Variants in PIWIL3 observed in about 807,000 individuals in gnomAD.
PIWIL3 encodes piwi-like protein 3.
Under a neutral mutation model 109.7 loss-of-function variants are expected in PIWIL3, and 101 were observed. The observed-to-expected ratio is 0.92, with a 90% CI of 0.78 to 1.09. The LOEUF (loss-of-function observed/expected upper bound fraction) is 1.09, where lower values mean the gene tolerates loss of function less well. Ranked by LOEUF, PIWIL3 falls within the 50% of genes least tolerant of loss-of-function variation. The pLI is 0.00. For synonymous variants in PIWIL3, 373 were observed against 376.4 expected, an observed-to-expected ratio of 0.99 and a Z score of 0.10; for missense variants, 1,031 against 1,072.6, an observed-to-expected ratio of 0.96 and a Z score of 0.54.
chr22:24,745,717 GAAAAAAAA>G (rs71189273), intron 12 of PIWIL3, among the ~76,000 whole-genome samples: 3 of 80,252 alleles, frequency 3.7e-5, no homozygotes, highest in Admixed American at 1.4e-4. Context: ...GTCAGACTAA[GAAAAAAAA>G]AAAAAAAAAA....
At chr22:24,765,351 T>G (rs1925722616) in intron 1 of PIWIL3, among the ~76,000 whole-genome samples, 1 of 152,200 alleles carries the variant, frequency 6.6e-6, no homozygotes, top group Non-Finnish European at 1.5e-5. Flanking sequence ...AACCAGCGCA[T>G]CTGCTACAGT....
chr22:24,770,042 G>A (rs1196586718), intron 1 of PIWIL3, among the ~76,000 whole-genome samples: 1 of 152,214 alleles, frequency 6.6e-6, no homozygotes. Context: ...ATCCACAGAT[G>A]CAGAACCCAT....
At position 24,758,005 on chromosome 22, in the gene PIWIL3, A is replaced by C; in HGVS notation, c.258T>G (p.His86Gln). 6.2e-7 allele frequency: 1 copy of C among 1,613,962 alleles called. No homozygotes were observed. The highest frequency in any genetic ancestry group is 1.7e-5 in the Admixed American group (1 of 59,956). ...TCCTTCTCTCCTGCAAGGGCGCTGT[A>C]TGCAACCCAGCCTCAGGTCCAGGTT... ...VKEPGPEAGL[H>Q]TAPLQERRIG... Residue 86 changes from histidine to glutamine, a missense_variant, in exon 4 of 21, where the codon CAT becomes CAG. Physicochemically the swap from His to Gln is conservative, Grantham distance 24. Transcript: ENST00000616349.
intron 3 of PIWIL3, among the ~76,000 whole-genome samples, chr22:24,759,223 G>T (rs1925270438): frequency 6.6e-6 from 1 of 152,200 alleles, no homozygotes; most frequent in Non-Finnish European, 1.5e-5. Context: ...CAACCCTTCA[G>T]ATAGGATCTG....
rs182042893 is a variant in PIWIL3 at position 24,739,822 on chromosome 22, G to A, written c.1450-3930C>T. ...TCCCAGCATTTTGAGAGGCCGAGGCGGGAGGATCATGAGGTCAGGAGATCG... is the reference window on the plus strand; with the variant it reads ...TCCCAGCATTTTGAGAGGCCGAGGCAGGAGGATCATGAGGTCAGGAGATCG... On this transcript the variant is annotated intron_variant, in intron 12 of 20. Transcript: ENST00000616349. 1.6e-4 allele frequency among the ~76,000 whole-genome samples: 25 copies of A among 152,134 alleles called. No individual in the cohort carries two copies. In the East Asian group the frequency reaches 3.3e-3, roughly 20 times the overall value.
intron 12 of PIWIL3, among the ~76,000 whole-genome samples, chr22:24,748,541 A>G (rs961484410): frequency 6.6e-6 from 1 of 152,214 alleles, no homozygotes; most frequent in Non-Finnish European, 1.5e-5. Flanking sequence ...CCATAAATAT[A>G]CATACCTACT....
chr22:24,730,276 A>T (rs1030918781), intron 14 of PIWIL3, among the ~76,000 whole-genome samples: 3 of 150,578 alleles, frequency 2.0e-5, no homozygotes, highest in Non-Finnish European at 4.4e-5. Context: ...GAGGCAGGAG[A>T]ATAGCTTGAA....
chr22:24,754,064 G>A lies in PIWIL3; in HGVS notation c.927C>T (p.Asn309=). 3.1e-6 allele frequency: 5 copies of A among 1,612,642 alleles called. No homozygotes were observed. Among genetic ancestry groups the A allele is most frequent in the Non-Finnish European group, 3.4e-6 (4 of 1,178,662 alleles). ...ATTTATTAGTTACTTCCTCTCGGATGTTTCCTGTCTGGGCCTGGGCAGATG... is the reference window on the plus strand; with the variant it reads ...ATTTATTAGTTACTTCCTCTCGGATATTTCCTGTCTGGGCCTGGGCAGATG... ...KRTSAQAQTG[N]IREEVTNKLI... is the part of the protein sequence containing the mutation. The change falls in exon 8 of 21, where the codon AAC becomes AAT. Residue 309 remains asparagine (N), a synonymous_variant. Coordinates refer to ENST00000616349, the MANE Select transcript of PIWIL3 (RefSeq NM_001255975.1).
intron 12 of PIWIL3, among the ~76,000 whole-genome samples, chr22:24,744,178 T>TAAAAAA (rs1188611412): frequency 1.3e-3 from 46 of 34,302 alleles, no homozygotes; most frequent in Non-Finnish European, 1.8e-3. Flanking sequence ...GTGACCGAAT[T>TAAAAAA]AAAAAAAAAA....
intron 6 of PIWIL3, 93 bp from the exon 7 acceptor site, chr22:24,754,957 C>A: frequency 1.0e-6 from 1 of 975,492 alleles, no homozygotes; most frequent in Non-Finnish European, 1.6e-6. Flanking sequence ...CTGTCAATGA[C>A]TGTTTATATT....
intron 1 of PIWIL3, among the ~76,000 whole-genome samples, chr22:24,763,582 G>T (rs530379174): frequency 3.9e-4 from 60 of 152,250 alleles, no homozygotes; most frequent in African/African-American, 1.3e-3. Flanking sequence ...TTACGGGCGT[G>T]AACCACCGTG....
At chr22:24,774,150 TG>T (rs1197768123) in intron 1 of PIWIL3, among the ~76,000 whole-genome samples, 171 bp downstream of exon 1, 1 of 152,224 alleles carries the variant, frequency 6.6e-6, no homozygotes, top group Non-Finnish European at 1.5e-5. Context: ...TCCTCTCTTC[TG>T]CTAATCTGAA....
At chr22:24,751,798 A>G (rs888130544) in intron 8 of PIWIL3, among the ~76,000 whole-genome samples, 5 of 152,196 alleles carry the variant, frequency 3.3e-5, no homozygotes, top group African/African-American at 1.2e-4. Flanking sequence ...GTCTCAACAC[A>G]TTTGCTCATT....
chr22:24,755,393 G>A (rs1364829693), intron 6 of PIWIL3, among the ~76,000 whole-genome samples: 2 of 152,214 alleles, frequency 1.3e-5, no homozygotes, highest in Non-Finnish European at 2.9e-5. Context: ...AAAGTGCTGG[G>A]ATTACAGGCG....
At chr22:24,757,441 T>A (rs969306606) in intron 4 of PIWIL3, among the ~76,000 whole-genome samples, 7 of 152,162 alleles carry the variant, frequency 4.6e-5, no homozygotes, top group African/African-American at 1.7e-4. Context: ...GAGGCACCTC[T>A]ACTTACAGTG....
At chr22:24,734,727 G>C (rs534400201) in intron 13 of PIWIL3, among the ~76,000 whole-genome samples, 5 of 152,204 alleles carry the variant, frequency 3.3e-5, no homozygotes, top group Non-Finnish European at 7.4e-5. Context: ...CTTCCAGCAG[G>C]GGGAGGGGAA....
At position 24,723,161 on chromosome 22, in the gene PIWIL3, CTG is replaced by C. The variant is rs767992347; in HGVS notation, c.2324_2325del (p.Thr775SerfsTer3). 1.2e-4 allele frequency: 198 copies of C among 1,613,410 alleles called. No individual in the cohort carries two copies. Among genetic ancestry groups the C allele is most frequent in the Non-Finnish European group, 1.0e-4 (119 of 1,179,458 alleles). On this transcript the variant is annotated frameshift_variant, in exon 19 of 21. Transcript: ENST00000616349. LOFTEE classifies it high-confidence loss of function. ...TTCCTAGTCAACTCTACATCAATAACTGTTCCTGGAGGTGGATTTTGAAAATT... is the reference window on the plus strand; with the variant it reads ...TTCCTAGTCAACTCTACATCAATAACTTCCTGGAGGTGGATTTTGAAAATT... ...GSNFQNPPPG[T>X]VIDVELTRNE...
intron 13 of PIWIL3, among the ~76,000 whole-genome samples, chr22:24,735,005 T>A (rs1923577991): frequency 6.6e-6 from 1 of 151,458 alleles, no homozygotes; most frequent in Admixed American, 6.6e-5. Context: ...TCTAACTAGA[T>A]GACATTCTAA....
intron 4 of PIWIL3, among the ~76,000 whole-genome samples, chr22:24,757,442 A>G (rs560635418): frequency 2.6e-5 from 4 of 152,102 alleles, no homozygotes; most frequent in Admixed American, 1.3e-4. Flanking sequence ...AGGCACCTCT[A>G]CTTACAGTGA....
Sources: allele counts gnomAD v4.1 joint callset (sites outside exome capture counted in the v4.1 genomes callset), GRCh38; gene constraint gnomAD v4.1.1; transcripts MANE v1.5; gene names NCBI Gene and HGNC (gene_info 2026-07-23, HGNC 2026-07-21).